The following AIG1 variants were observed in gnomAD, a reference collection of about 807,000 sequenced individuals.
The protein encoded by AIG1 is androgen induced 1.
AIG1 carries 23 observed loss-of-function variants against 31.4 expected under a neutral mutation model. The ratio of observed to expected loss-of-function variants is 0.73; its 90% CI spans 0.53 to 1.04. The LOEUF is 1.04. Ranked by LOEUF, AIG1 falls within the 50% of genes least tolerant of loss-of-function variation. The probability of loss-of-function intolerance (pLI) is 0.00; values close to 1 mark genes in which losing one functional copy is unlikely to be tolerated. For missense variants in AIG1, 274 were observed against 295.0 expected (o/e 0.93, Z 0.52); for synonymous variants, 100 against 110.5 (o/e 0.90, Z 0.60).
At chr6:143,277,237 A>G (rs1289295524) in intron 3 of AIG1, among the ~76,000 whole-genome samples, 1 of 152,226 alleles carries the variant, frequency 6.6e-6, no homozygotes, top group African/African-American at 2.4e-5. Flanking sequence ...GAGAGGAAAC[A>G]GGAAAAAGTA....
At chr6:143,191,466 GAAA>G in intron 3 of AIG1, among the ~76,000 whole-genome samples, 1 of 151,804 alleles carries the variant, frequency 6.6e-6, no homozygotes, top group East Asian at 1.9e-4. Context: ...ATTTCCTACA[GAAA>G]AAAAACTTAC....
At chr6:143,265,616 G>A (rs1796100032) in intron 3 of AIG1, among the ~76,000 whole-genome samples, 3 of 152,160 alleles carry the variant, frequency 2.0e-5, no homozygotes, top group Admixed American at 6.5e-5. Flanking sequence ...TTCCCCAAAG[G>A]AATGTGCTAA....
chr6:143,085,723 A>G (rs1020060739), intron 1 of AIG1, among the ~76,000 whole-genome samples: 8 of 152,172 alleles, frequency 5.3e-5, no homozygotes, highest in Non-Finnish European at 1.0e-4. Flanking sequence ...TGAGCAGACC[A>G]ATTATTAGGC....
At position 143,299,212 on chromosome 6, in the gene AIG1, A is replaced by T. The variant is rs1284418014; in HGVS notation, c.515+14987A>T. The T allele has an allele frequency of 6.6e-6, 1 of 152,202 alleles. No individual in the cohort carries two copies. Among genetic ancestry groups the T allele is most frequent in the African/African-American group, 2.4e-5 (1 of 41,430 alleles). The allele number at this position is 152,202 out of a possible 1,614,324, so 9.4% of individuals were successfully genotyped here. On this transcript the variant is annotated intron_variant, in intron 4 of 5. Coordinates refer to ENST00000357847, the MANE Select transcript of AIG1 (RefSeq NM_016108.4). The surrounding 1 kb of genome is among the most constrained non-coding windows in gnomAD (Gnocchi z 4.1). ...TGGTAGCTCCTGTTTGACATCCAGGACAGAGCAGTACCACTTCTCCTTAGC... is the reference window on the plus strand; with the variant it reads ...TGGTAGCTCCTGTTTGACATCCAGGTCAGAGCAGTACCACTTCTCCTTAGC...
intron 1 of AIG1, among the ~76,000 whole-genome samples, chr6:143,076,968 G>T (rs1305219038): frequency 6.6e-6 from 1 of 152,026 alleles, no homozygotes; most frequent in Non-Finnish European, 1.5e-5. Context: ...ACCGTGCCCG[G>T]CCTTGAATAT....
At chr6:143,300,079 G>A (rs1365131506) in intron 4 of AIG1, among the ~76,000 whole-genome samples, 2 of 152,166 alleles carry the variant, frequency 1.3e-5, no homozygotes, top group African/African-American at 4.8e-5. Flanking sequence ...CTGCCTAAGA[G>A]GGGCTCAATA....
chr6:143,302,519 C>G (rs1798903252), intron 4 of AIG1, among the ~76,000 whole-genome samples: 1 of 152,030 alleles, frequency 6.6e-6, no homozygotes, highest in Admixed American at 6.6e-5. Context: ...ATGATGATTT[C>G]CAATTTCATC....
Position 143,139,159 on chromosome 6 carries a change from G to A in AIG1, c.297+2169G>A, listed in dbSNP as rs151220496. Among the ~76,000 whole-genome samples the A allele has an allele frequency of 3.3e-3, 504 of 152,202 alleles. 4 individuals carry two copies. The Middle Eastern group carries it at 0.071, about 22-fold the overall frequency. On this transcript the variant is annotated intron_variant, in intron 2 of 5. Transcript: ENST00000357847. ...AAAGTTATCCCATGTATGTTTCATG[G>A]TTTATAAAACAAGTGGTGGCCTTTT...
downstream of AIG1, chr6:143,342,314 C>A (rs560740365): frequency 1.8e-4 from 120 of 680,750 alleles, no homozygotes; most frequent in African/African-American, 1.9e-3. Context: ...TGGTGCGCAG[C>A]AGCAGCTGCG....
intron 2 of AIG1, among the ~76,000 whole-genome samples, chr6:143,148,421 A>T (rs1249736806): frequency 1.3e-5 from 2 of 151,210 alleles, no homozygotes; most frequent in Non-Finnish European, 2.9e-5. Context: ...AGCTGGGAGG[A>T]TCCCTTGAGC....
chr6:143,302,045 A>G (rs925703576), intron 4 of AIG1, among the ~76,000 whole-genome samples: 9 of 152,156 alleles, frequency 5.9e-5, no homozygotes, highest in African/African-American at 7.2e-5. Flanking sequence ...ATAGAACTCA[A>G]TGGTGACTAG....
intron 1 of AIG1, among the ~76,000 whole-genome samples, chr6:143,096,172 C>G (rs924303057): frequency 6.6e-6 from 1 of 152,134 alleles, no homozygotes; most frequent in Non-Finnish European, 1.5e-5. Context: ...TGCCAAAGTG[C>G]TGGGATTACA....
At chr6:143,149,532 CAAAAAAAAAAAAAAAA>C (rs71767812) in intron 2 of AIG1, among the ~76,000 whole-genome samples, 1 of 39,990 alleles carries the variant, frequency 2.5e-5, no homozygotes, top group Admixed American at 2.6e-4. Context: ...GACTCTGTCT[CAAAAAAAAAAAAAAAA>C]AAAAAAAAAG....
chr6:143,331,455 C>A lies in AIG1; in HGVS notation c.516-1827C>A, dbSNP rs1034605949. On this transcript the variant is annotated intron_variant, in intron 4 of 5. Transcript: ENST00000357847. The surrounding 1 kb of genome is among the most constrained non-coding windows in gnomAD (Gnocchi z 4.1). ...TACCTCATATAAGTGGAATCATATA[C>A]AATATGTGACCTGTGTCTGGCTTAT... Among the ~76,000 whole-genome samples, 5 of 152,122 alleles carry A rather than the reference C, an allele frequency of 3.3e-5. No individual in the cohort carries two copies. The highest frequency in any genetic ancestry group is 7.3e-5 in the Non-Finnish European group (5 of 68,036).
At chr6:143,285,420 G>A (rs1412944785) in intron 4 of AIG1, among the ~76,000 whole-genome samples, 1 of 151,034 alleles carries the variant, frequency 6.6e-6, no homozygotes, top group African/African-American at 2.4e-5. Context: ...CCAGCACTTT[G>A]GGACGCCCAG....
chr6:143,105,568 G>T (rs1412155001), intron 1 of AIG1, among the ~76,000 whole-genome samples: 1 of 152,206 alleles, frequency 6.6e-6, no homozygotes, highest in Non-Finnish European at 1.5e-5. Context: ...TTCTCCCACA[G>T]CTCCAGAAAA....
At chr6:143,257,300 T>G (rs1318421945) in intron 3 of AIG1, among the ~76,000 whole-genome samples, 1 of 152,130 alleles carries the variant, frequency 6.6e-6, no homozygotes, top group African/African-American at 2.4e-5. Context: ...TTTAGAGTGA[T>G]CTTAAATATT....
intron 3 of AIG1, among the ~76,000 whole-genome samples, chr6:143,218,344 T>C (rs111701440): frequency 6.6e-6 from 1 of 152,346 alleles, no homozygotes; most frequent in Non-Finnish European, 1.5e-5. Flanking sequence ...AAGGAAGGCA[T>C]CTTACCCACT....
chr6:143,313,089 C>T (rs533153555), intron 4 of AIG1, among the ~76,000 whole-genome samples: 1 of 152,186 alleles, frequency 6.6e-6, no homozygotes, highest in East Asian at 1.9e-4. Context: ...AAAGGGAACC[C>T]TTGTCCACTG....
Sources: gnomAD v4.1 joint callset for allele counts (sites outside exome capture counted in the v4.1 genomes callset) on GRCh38, gnomAD v4.1.1 for gene constraint, Gnocchi (gnomAD v3.1) non-coding constraint, MANE v1.5 for transcripts, NCBI Gene and HGNC (gene_info 2026-07-23, HGNC 2026-07-21) for gene names.